Variants in IL26 observed in about 807,000 individuals in gnomAD.
The protein encoded by IL26 is interleukin-26.
IL26 carries 23 observed loss-of-function variants against 21.7 expected under a neutral mutation model. The ratio of observed to expected loss-of-function variants is 1.06; its 90% CI spans 0.76 to 1.50. IL26 has a LOEUF of 1.50. Ranked by LOEUF, IL26 falls within the 40% of genes most tolerant of loss-of-function variation. The pLI is 0.00. For missense variants in IL26, 204 were observed against 196.0 expected, an observed-to-expected ratio of 1.04 and a Z score of -0.24; for synonymous variants, 63 against 67.8, an observed-to-expected ratio of 0.93 and a Z score of 0.34.
intron 3 of IL26, among the ~76,000 whole-genome samples, chr12:68,222,626 A>G (rs1869086531): frequency 6.6e-6 from 1 of 152,152 alleles, no homozygotes; most frequent in South Asian, 2.1e-4. Flanking sequence ...GATCAGTTTT[A>G]AAATATGTCA....
At chr12:68,224,047 C>G (rs946563651) in intron 3 of IL26, among the ~76,000 whole-genome samples, 6 of 151,182 alleles carry the variant, frequency 4.0e-5, no homozygotes, top group East Asian at 1.9e-4. Context: ...ACACCCCCCC[C>G]CTCTAATGGC....
rs938348428 is a variant in IL26 at position 68,217,841 on chromosome 12, G to A, written c.363+7308C>T. Among the ~76,000 whole-genome samples, 24 of 152,084 alleles carry A rather than the reference G, an allele frequency of 1.6e-4. 1 individual carries two copies. Among genetic ancestry groups the A allele is most frequent in the Non-Finnish European group, 1.5e-5 (1 of 67,992 alleles). Reference sequence around the variant, plus strand: ...TATTAAATGACACTATGAAAATGCAGTCAGAAAATACAGACTATGAGAAAC... The same window carrying A: ...TATTAAATGACACTATGAAAATGCAATCAGAAAATACAGACTATGAGAAAC... On this transcript the variant is annotated intron_variant, in intron 3 of 4. Coordinates refer to ENST00000229134, the MANE Select transcript of IL26 (RefSeq NM_018402.2).
rs1565741281 is a variant in IL26 at position 68,225,493 on chromosome 12, CG to C, written c.178del (p.Arg60AlafsTer2). 2 of 1,591,020 alleles carry C rather than the reference CG, an allele frequency of 1.3e-6. No individual in the cohort carries two copies. The highest frequency in any genetic ancestry group is 1.7e-6 in the Non-Finnish European group (2 of 1,160,134). On this transcript the variant is annotated frameshift_variant, in exon 2 of 5. Transcript: ENST00000229134. LOFTEE classifies it high-confidence loss of function. ...AWLKATIPED[R>X]IKNIRLLKKK... The stretch of plus-strand genomic sequence containing the variant: ...TTTTAATAATCGTATATTTTTTATG[CG>C]GTCTTCCTACAATAATACAAAGAGA...
intron 3 of IL26, among the ~76,000 whole-genome samples, chr12:68,208,555 G>A (rs1181039530): frequency 6.6e-6 from 1 of 152,214 alleles, no homozygotes; most frequent in East Asian, 1.9e-4. Context: ...CTGGAGTGCA[G>A]TGGCGCGCGC....
In IL26 at chr12:68,225,187, C is replaced by T. The variant is rs1331203911; in HGVS notation, c.325G>A (p.Glu109Lys). Residue 109 changes from glutamate (E) to lysine (K), a missense_variant, in exon 3 of 5, where the codon GAG becomes AAG. Glu to Lys is a moderately conservative substitution (Grantham distance 56, BLOSUM62 1). Transcript: ENST00000229134. The stretch of plus-strand genomic sequence containing the variant: ...TTCTGCCTAAGGCTATGAAAGTCCT[C>T]CACAAAGCGTATTTTCTTGCAGCCT... ...LQGCKKIRFVEDFHSLRQKLS... is the reference protein window; with the variant it reads ...LQGCKKIRFVKDFHSLRQKLS... The T allele has an allele frequency of 4.3e-6, 7 of 1,613,860 alleles. No individual in the cohort carries two copies. Among genetic ancestry groups the T allele is most frequent in the Non-Finnish European group, 5.9e-6 (7 of 1,179,942 alleles).
chr12:68,216,748 TTC>T (rs1868896390), intron 3 of IL26, among the ~76,000 whole-genome samples: 1 of 152,258 alleles, frequency 6.6e-6, no homozygotes, highest in Non-Finnish European at 1.5e-5. Context: ...AAACACAATA[TTC>T]TGTTTGCCAA....
At chr12:68,225,343 C>T in intron 2 of IL26, 60 bp from the exon 3 acceptor site, 2 of 1,551,958 alleles carry the variant, frequency 1.3e-6, no homozygotes, top group South Asian at 2.3e-5. Context: ...TTAATGTCCC[C>T]CGATCATTAC....
chr12:68,216,698 G>T (rs1868895408), intron 3 of IL26, among the ~76,000 whole-genome samples: 1 of 152,186 alleles, frequency 6.6e-6, no homozygotes, highest in Non-Finnish European at 1.5e-5. Context: ...ATTTGCAATT[G>T]ATGATACAAG....
chr12:68,210,338 C>CAAAAAAAAAAAAAAAA (rs540693081), intron 3 of IL26, among the ~76,000 whole-genome samples: 4 of 22,094 alleles, frequency 1.8e-4, no homozygotes, highest in Admixed American at 6.6e-4. Flanking sequence ...ATCAGTTTGG[C>CAAAAAAAAAAAAAAAA]AAAAAAAAAA....
chr12:68,209,253 A>G (rs1010471443), intron 3 of IL26, among the ~76,000 whole-genome samples: 1 of 152,216 alleles, frequency 6.6e-6, no homozygotes, highest in Admixed American at 6.5e-5. Context: ...AAGTGAGTCC[A>G]GGGGGCCAAC....
At chr12:68,211,261 AT>A (rs1320847778) in intron 3 of IL26, among the ~76,000 whole-genome samples, 3 of 152,128 alleles carry the variant, frequency 2.0e-5, no homozygotes, top group Non-Finnish European at 4.4e-5. Context: ...AAATGACAGA[AT>A]TTCATTTTTT....
chr12:68,212,526 G>A (rs1221239056), intron 3 of IL26, among the ~76,000 whole-genome samples: 1 of 152,022 alleles, frequency 6.6e-6, no homozygotes, highest in African/African-American at 2.4e-5. Context: ...AAGGAGCATT[G>A]AATATCCATG....
intron 3 of IL26, among the ~76,000 whole-genome samples, chr12:68,221,234 A>C (rs935678893): frequency 6.6e-6 from 1 of 152,200 alleles, no homozygotes; most frequent in Middle Eastern, 3.2e-3. Flanking sequence ...ATCATTTGGC[A>C]ATTGTTCTGG....
chr12:68,213,116 C>A (rs755897561), intron 3 of IL26, among the ~76,000 whole-genome samples: 24 of 151,902 alleles, frequency 1.6e-4, no homozygotes, highest in Non-Finnish European at 3.5e-4. Flanking sequence ...TTATTGAATA[C>A]TTTTTCAATA....
intron 3 of IL26, among the ~76,000 whole-genome samples, chr12:68,220,973 T>G (rs1014056631): frequency 8.5e-5 from 13 of 152,310 alleles, no homozygotes; most frequent in Non-Finnish European, 1.5e-4. Context: ...ACAAATATAT[T>G]AATGTTAAAT....
At chr12:68,223,778 A>C (rs1869131557) in intron 3 of IL26, among the ~76,000 whole-genome samples, 1 of 152,048 alleles carries the variant, frequency 6.6e-6, no homozygotes, top group Non-Finnish European at 1.5e-5. Flanking sequence ...TCAGTGTTGT[A>C]ATTTTAATAA....
intron 3 of IL26, among the ~76,000 whole-genome samples, chr12:68,224,045 C>A (rs893604669): frequency 6.6e-6 from 1 of 151,096 alleles, no homozygotes; most frequent in Non-Finnish European, 1.5e-5. Context: ...AAACACCCCC[C>A]CCCTCTAATG....
intron 3 of IL26, among the ~76,000 whole-genome samples, chr12:68,217,083 T>G (rs1416593343): frequency 6.6e-6 from 1 of 152,200 alleles, no homozygotes; most frequent in African/African-American, 2.4e-5. Flanking sequence ...AAGTTTACAT[T>G]ACACATAACT....
At chr12:68,225,127 A>G (rs572123910) in intron 3 of IL26, 22 bp downstream of exon 3, 2 of 1,575,862 alleles carry the variant, frequency 1.3e-6, no homozygotes, top group Admixed American at 1.9e-5. Context: ...TCAAATGCAC[A>G]GTATTTGTTG....
Sources: allele counts gnomAD v4.1 joint callset (sites outside exome capture counted in the v4.1 genomes callset), GRCh38; gene constraint gnomAD v4.1.1; transcripts MANE v1.5; gene names NCBI Gene and HGNC (gene_info 2026-07-23, HGNC 2026-07-21).